Variants in PAH observed in about 807,000 individuals in gnomAD.
PAH encodes phenylalanine hydroxylase, also known as phenylalanine-4-hydroxylase.
A neutral mutation model predicts 62.0 loss-of-function variants in PAH; 64 were observed. The ratio of observed to expected loss-of-function variants is 1.03; its 90% CI spans 0.84 to 1.27. PAH has a LOEUF of 1.27. Among genes scored for constraint, PAH ranks in the 50% most tolerant of loss-of-function variants. The pLI is 0.00. For synonymous variants in PAH, 195 were observed against 196.2 expected (o/e 0.99, Z 0.05); for missense variants, 579 against 542.8 (o/e 1.07, Z -0.66).
At chr12:102,848,092 C>T (rs560339474) in intron 8 of PAH, among the ~76,000 whole-genome samples, 2 of 152,280 alleles carry the variant, frequency 1.3e-5, no homozygotes, top group East Asian at 3.9e-4. Context: ...GATAGATGGT[C>T]ATGATCTCAC....
At chr12:102,895,613 G>A (rs1329626047) in intron 2 of PAH, among the ~76,000 whole-genome samples, 3 of 151,970 alleles carry the variant, frequency 2.0e-5, no homozygotes, top group East Asian at 1.9e-4. Flanking sequence ...TTGAGGGGCC[G>A]AGGTGGGCAG....
At chr12:102,883,037 T>C (rs1876887937) in intron 3 of PAH, among the ~76,000 whole-genome samples, 1 of 152,122 alleles carries the variant, frequency 6.6e-6, no homozygotes, top group Admixed American at 6.5e-5. Context: ...GCTGGTTCTC[T>C]GTCCAGCTTG....
intron 1 of PAH, among the ~76,000 whole-genome samples, chr12:102,936,646 C>T (rs557263720): frequency 7.5e-4 from 114 of 152,070 alleles, no homozygotes; most frequent in African/African-American, 2.6e-3. Context: ...TCTTCTTTGT[C>T]GCTTTAAATA....
chr12:102,907,865 G>A (rs572351812), intron 2 of PAH, among the ~76,000 whole-genome samples: 3 of 152,178 alleles, frequency 2.0e-5, no homozygotes, highest in South Asian at 2.1e-4. Context: ...TGATCTGCCC[G>A]CCTTGGCCTT....
chr12:102,922,899 A>G (rs563529679), intron 1 of PAH, among the ~76,000 whole-genome samples: 14 of 152,334 alleles, frequency 9.2e-5, no homozygotes, highest in Non-Finnish European at 2.1e-4. Flanking sequence ...AGTTATAATT[A>G]CACAGAAAAA....
intron 2 of PAH, among the ~76,000 whole-genome samples, chr12:102,897,590 A>G (rs1289023815): frequency 1.3e-5 from 2 of 152,010 alleles, no homozygotes; most frequent in African/African-American, 4.8e-5. Context: ...TCACAAGTAT[A>G]AATAGTCTTA....
chr12:102,868,606 C>T (rs1223401638), intron 4 of PAH, among the ~76,000 whole-genome samples: 3 of 151,896 alleles, frequency 2.0e-5, no homozygotes, highest in Non-Finnish European at 2.9e-5. Flanking sequence ...GTACTTAAAA[C>T]TACTGTTGTG....
chr12:102,912,739 C>G (rs1878247738), intron 2 of PAH, 52 bp downstream of exon 2: 1 of 1,252,326 alleles, frequency 8.0e-7, no homozygotes. Flanking sequence ...TAGAAAAGAA[C>G]ATGGAAGTTT....
At chr12:102,926,199 G>A (rs907918282) in intron 1 of PAH, among the ~76,000 whole-genome samples, 21 of 152,180 alleles carry the variant, frequency 1.4e-4, no homozygotes, top group African/African-American at 5.1e-4. Flanking sequence ...GTTTTAAAAA[G>A]AGGTAAGAGA....
chr12:102,844,882 C>T (rs1025749374), intron 9 of PAH, among the ~76,000 whole-genome samples: 10 of 152,160 alleles, frequency 6.6e-5, no homozygotes, highest in East Asian at 1.9e-4. Flanking sequence ...GACTAATCTA[C>T]GCCACTGACT....
intron 1 of PAH, among the ~76,000 whole-genome samples, chr12:102,932,059 C>G (rs73393573): frequency 2.0e-5 from 3 of 152,072 alleles, no homozygotes; most frequent in Non-Finnish European, 4.4e-5. Flanking sequence ...GGTTTGAGGT[C>G]GTCAGAGTCT....
intron 1 of PAH, among the ~76,000 whole-genome samples, chr12:102,943,010 C>G (rs1266914023): frequency 6.6e-6 from 1 of 151,870 alleles, no homozygotes; most frequent in Non-Finnish European, 1.5e-5. Flanking sequence ...GACATCAGCG[C>G]TACAAAAATT....
Position 102,912,819 on chromosome 12 carries a change from G to A in PAH, c.140C>T (p.Ala47Val), listed in dbSNP as rs118203925. 6.2e-6 allele frequency: 10 copies of A among 1,613,108 alleles called. No homozygotes were observed. The highest frequency in any genetic ancestry group is 8.5e-6 in the Non-Finnish European group (10 of 1,179,268). The change falls in exon 2 of 13, where the codon GCA becomes GTA. Residue 47 changes from alanine (A) to valine (V), a missense_variant. Physicochemically the swap from Ala to Val is moderately conservative, Grantham distance 64. Transcript: ENST00000553106. Reference protein sequence around the residue: ...LIFSLKEEVGALAKVLRLFEE... With the variant: ...LIFSLKEEVGVLAKVLRLFEE... ...AAATAAGCGCAATACTTTGGCCAAT[G>A]CACCAACTTCTTCTTTGAGTGAGAA...
chr12:102,948,477 G>T (rs1879594483), intron 1 of PAH, among the ~76,000 whole-genome samples: 1 of 152,142 alleles, frequency 6.6e-6, no homozygotes, highest in South Asian at 2.1e-4. Context: ...GAAGCGAAAG[G>T]CTCCGGGGCT....
In PAH at chr12:102,838,382, TGC is replaced by T. The variant is rs1383764799; in HGVS notation, c.*791_*792del. The T allele has an allele frequency of 1.3e-5, 2 of 152,240 alleles. No individual in the cohort carries two copies. The highest frequency in any genetic ancestry group is 1.3e-4 in the Admixed American group (2 of 15,282). 9.4% of individuals were successfully genotyped at this position (152,240 alleles called of 1,614,324 possible). On this transcript the variant is annotated 3_prime_UTR_variant, in exon 13 of 13. Transcript: ENST00000553106. ...TAAAAATTTCACATTTATACAGATT[TGC>T]TTTTCAATAATGTATTTACTTATTT... is the stretch of plus-strand genomic sequence containing the variant.
In PAH at chr12:102,840,459, T is replaced by C. The variant is rs752255985; in HGVS notation, c.1256A>G (p.Gln419Arg). Residue 419 changes from glutamine to arginine, a missense_variant, in exon 12 of 13, where the codon CAA (glutamine) becomes CGA (arginine). Physicochemically the swap from Gln to Arg is conservative, Grantham distance 43. Coordinates refer to ENST00000553106, the MANE Select transcript of PAH (RefSeq NM_000277.3). The stretch of plus-strand genomic sequence containing the variant: ...GGTATTGTCCAAGACCTCAATCCTT[T>C]GGGTGTATGGGTCGTAGCGAACTGA... ...PFSVRYDPYT[Q>R]RIEVLDNTQQ... 6.2e-6 allele frequency: 10 copies of C among 1,613,916 alleles called. No homozygotes were observed. Among genetic ancestry groups the C allele is most frequent in the Non-Finnish European group, 5.1e-6 (6 of 1,179,920 alleles).
At chr12:102,855,845 C>T (rs904529472) in intron 5 of PAH, among the ~76,000 whole-genome samples, 9 of 152,024 alleles carry the variant, frequency 5.9e-5, no homozygotes, top group South Asian at 2.1e-4. Flanking sequence ...ATGTAGGCCA[C>T]GAATCTGAGA....
chr12:102,887,072 G>T (rs1877071399), intron 3 of PAH, among the ~76,000 whole-genome samples: 1 of 151,988 alleles, frequency 6.6e-6, no homozygotes, highest in South Asian at 2.1e-4. Context: ...ATTCCTGGGG[G>T]ATATTTGTAT....
intron 2 of PAH, 70 bp from the exon 3 acceptor site, chr12:102,894,988 G>C: frequency 1.7e-6 from 2 of 1,146,012 alleles, no homozygotes; most frequent in Admixed American, 3.4e-5. Context: ...TGCAGAACCA[G>C]AACAGGAAAA....
Sources: allele counts gnomAD v4.1 joint callset (sites outside exome capture counted in the v4.1 genomes callset), GRCh38; gene constraint gnomAD v4.1.1; transcripts MANE v1.5; gene names NCBI Gene and HGNC (gene_info 2026-07-23, HGNC 2026-07-21).